The following NACC2 variants were observed in gnomAD, a reference collection of about 807,000 sequenced individuals.
The protein encoded by NACC2 is nucleus accumbens-associated protein 2.
NACC2 carries 8 observed loss-of-function variants against 25.1 expected under a neutral mutation model. That is an observed-to-expected ratio of 0.32 (90% confidence interval 0.19 to 0.57). The LOEUF (loss-of-function observed/expected upper bound fraction) is 0.57, where lower values mean the gene tolerates loss of function less well. Among genes scored for constraint, NACC2 ranks in the 20% least tolerant of loss-of-function variants. The probability of loss-of-function intolerance (pLI) is 0.89; values close to 1 mark genes in which losing one functional copy is unlikely to be tolerated. For missense variants in NACC2, 644 were observed against 650.2 expected (o/e 0.99, Z 0.10); for synonymous variants, 435 against 294.7 (o/e 1.48, Z -4.88).
At chr9:136,058,105 C>CG (rs370517161) in intron 1 of NACC2, among the ~76,000 whole-genome samples, 1,940 of 151,786 alleles carry the variant, frequency 0.013, 24 homozygotes, top group African/African-American at 0.032. Context: ...CCACTGGGGG[C>CG]GGGGGGGGCC....
Position 136,016,404 on chromosome 9 carries a change from C to A in NACC2, c.912G>T (p.Pro304=), listed in dbSNP as rs2275107. Residue 304 remains proline (P), a synonymous_variant, in exon 3 of 6, where the codon CCG becomes CCT. Coordinates refer to ENST00000277554, the MANE Select transcript of NACC2 (RefSeq NM_144653.5). ...YAVQEKPEPV[P]LESRSCVLIR... ...TGAGGACGCAGGAGCGGCTCTCCAG[C>A]GGCACTGGCTCAGGCTTCTCTTGCA... 4 of 1,610,880 alleles carry A rather than the reference C, an allele frequency of 2.5e-6. 1 individual carries two copies. The highest frequency in any genetic ancestry group is 2.2e-5 in the South Asian group (2 of 90,988).
Position 136,084,461 on chromosome 9 carries a change from C to A in NACC2, c.-60+10728G>T, listed in dbSNP as rs1830356639. ...GAAGGCGGTATCTCTGACGTCCCTG[C>A]CCAAGACGCCAATCACCAGGAGGCC... On this transcript the variant is annotated intron_variant, in intron 1 of 5. Transcript: ENST00000277554. The surrounding 1 kb of genome is among the most constrained non-coding windows in gnomAD (Gnocchi z 5.1). Among the ~76,000 whole-genome samples the A allele has an allele frequency of 6.6e-6, 1 of 152,182 alleles. No individual in the cohort carries two copies. The highest frequency in any genetic ancestry group is 2.4e-5 in the African/African-American group (1 of 41,430).
At position 136,023,957 on chromosome 9, in the gene NACC2, C is replaced by T. The variant is rs980837240; in HGVS notation, c.887-7528G>A. Among the ~76,000 whole-genome samples, 4 of 152,354 alleles carry T rather than the reference C, an allele frequency of 2.6e-5. No individual in the cohort carries two copies. The South Asian group carries it at 6.2e-4, about 24-fold the overall frequency. On this transcript the variant is annotated intron_variant, in intron 2 of 5. Transcript: ENST00000277554. ...CCCCCAACCACACAAATGCACAACC[C>T]CCCCCACACACACGTGCACATGCGT... is the stretch of plus-strand genomic sequence containing the variant.
chr9:136,020,362 C>T lies in NACC2; in HGVS notation c.887-3933G>A, dbSNP rs1840271995. On this transcript the variant is annotated intron_variant, in intron 2 of 5. Coordinates refer to ENST00000277554, the MANE Select transcript of NACC2 (RefSeq NM_144653.5). The surrounding 1 kb of genome is among the most constrained non-coding windows in gnomAD (Gnocchi z 4.7). ...GATCCCTGCCCACGGGCCAACACCA[C>T]GGCAGGATGTCCCAGATGGCGAGCC... Among the ~76,000 whole-genome samples the T allele has an allele frequency of 2.0e-5, 3 of 152,174 alleles. No individual in the cohort carries two copies. The highest frequency in any genetic ancestry group is 2.1e-4 in the South Asian group (1 of 4,822).
intron 1 of NACC2, among the ~76,000 whole-genome samples, chr9:136,051,394 A>G (rs907488673): frequency 6.8e-4 from 103 of 152,220 alleles, no homozygotes; most frequent in Non-Finnish European, 1.6e-4. Context: ...ACGCGGGCCA[A>G]TCCCGACGGC....
At chr9:136,081,102 A>G (rs1368086721) in intron 1 of NACC2, among the ~76,000 whole-genome samples, 1 of 152,106 alleles carries the variant, frequency 6.6e-6, no homozygotes, top group Non-Finnish European at 1.5e-5. Flanking sequence ...CGCGTTTCCC[A>G]TATTTCTCGT....
chr9:136,079,409 G>C (rs775807756), intron 1 of NACC2, among the ~76,000 whole-genome samples: 1 of 152,344 alleles, frequency 6.6e-6, no homozygotes, highest in Non-Finnish European at 1.5e-5. Context: ...AAGCCAATGC[G>C]TGGACTCCGG....
chr9:136,056,679 C>A (rs747831572), intron 1 of NACC2, among the ~76,000 whole-genome samples: 1 of 152,182 alleles, frequency 6.6e-6, no homozygotes, highest in Non-Finnish European at 1.5e-5. Context: ...ATGACGGGCC[C>A]CCTCGGACTA....
chr9:136,057,109 G>C (rs1272390887), intron 1 of NACC2, among the ~76,000 whole-genome samples: 1 of 152,192 alleles, frequency 6.6e-6, no homozygotes, highest in African/African-American at 2.4e-5. Flanking sequence ...CTCTGCGTCC[G>C]ATAGGGCCTT....
intron 1 of NACC2, among the ~76,000 whole-genome samples, chr9:136,054,312 G>A (rs1208055777): frequency 2.6e-5 from 4 of 152,180 alleles, no homozygotes; most frequent in Non-Finnish European, 5.9e-5. Flanking sequence ...AGGTGATGGG[G>A]CCGTGTGGTC....
Position 136,084,846 on chromosome 9 carries a change from CCT to C in NACC2, c.-60+10341_-60+10342del, listed in dbSNP as rs907388834. Among the ~76,000 whole-genome samples the C allele has an allele frequency of 6.6e-6, 1 of 152,202 alleles. No homozygotes were observed. Among genetic ancestry groups the C allele is most frequent in the African/African-American group, 2.4e-5 (1 of 41,452 alleles). On this transcript the variant is annotated intron_variant, in intron 1 of 5. Transcript: ENST00000277554. The surrounding 1 kb of genome is among the most constrained non-coding windows in gnomAD (Gnocchi z 5.1). ...ATGAGCCAGTCACACGAGGACACCC[CCT>C]GTGGGACTCCACTCACATGCAGTCC... is the stretch of plus-strand genomic sequence containing the variant.
intron 1 of NACC2, among the ~76,000 whole-genome samples, chr9:136,079,097 G>A (rs1270569544): frequency 6.6e-6 from 1 of 151,528 alleles, no homozygotes; most frequent in African/African-American, 2.4e-5. Context: ...TTAGTTTAGG[G>A]CACGTAACCT....
At chr9:136,032,613 C>A (rs1349142727) in intron 2 of NACC2, among the ~76,000 whole-genome samples, 4 of 152,140 alleles carry the variant, frequency 2.6e-5, no homozygotes, top group Non-Finnish European at 5.9e-5. Flanking sequence ...GTATCCAGAA[C>A]AGGCCAGGCC....
intron 2 of NACC2, among the ~76,000 whole-genome samples, chr9:136,043,055 AG>A (rs1352117640): frequency 3.9e-5 from 6 of 152,168 alleles, no homozygotes; most frequent in African/African-American, 1.4e-4. Flanking sequence ...CACAGAACAC[AG>A]AATTTTAGGT....
At chr9:136,092,766 G>A (rs1302132334) in intron 1 of NACC2, among the ~76,000 whole-genome samples, 1 of 152,222 alleles carries the variant, frequency 6.6e-6, no homozygotes, top group Non-Finnish European at 1.5e-5. Context: ...AGAAGGCCTT[G>A]GTTCTCCGGA....
chr9:136,014,686 A>G (rs1457910266), intron 3 of NACC2, among the ~76,000 whole-genome samples: 4 of 152,212 alleles, frequency 2.6e-5, no homozygotes. Context: ...GAGAGCCCTC[A>G]GGCAACGATG....
At chr9:136,073,953 G>A (rs1217886806) in intron 1 of NACC2, among the ~76,000 whole-genome samples, 3 of 152,150 alleles carry the variant, frequency 2.0e-5, no homozygotes, top group South Asian at 4.1e-4. Flanking sequence ...GGCTCTCACC[G>A]AAGTAACCAA....
Position 136,084,602 on chromosome 9 carries a change from C to T in NACC2, c.-60+10587G>A, listed in dbSNP as rs1170026178. ...ACAGAATACACCAGGCTGGAAGAGC[C>T]CAGAGACACAGCAAGACTCAAACAG... is the stretch of plus-strand genomic sequence containing the variant. On this transcript the variant is annotated intron_variant, in intron 1 of 5. Transcript: ENST00000277554. The surrounding 1 kb of genome is among the most constrained non-coding windows in gnomAD (Gnocchi z 5.1). Among the ~76,000 whole-genome samples the T allele has an allele frequency of 6.6e-6, 1 of 152,168 alleles. No homozygotes were observed. Among genetic ancestry groups the T allele is most frequent in the Non-Finnish European group, 1.5e-5 (1 of 68,034 alleles).
chr9:136,068,607 T>C (rs1464138771), intron 1 of NACC2, among the ~76,000 whole-genome samples: 1 of 151,726 alleles, frequency 6.6e-6, no homozygotes, highest in African/African-American at 2.4e-5. Flanking sequence ...AGCAACACTG[T>C]ATACGCTGTC....
Sources: allele counts gnomAD v4.1 joint callset (sites outside exome capture counted in the v4.1 genomes callset), GRCh38; gene constraint gnomAD v4.1.1; non-coding constraint Gnocchi (gnomAD v3.1); transcripts MANE v1.5; gene names NCBI Gene and HGNC (gene_info 2026-07-23, HGNC 2026-07-21).